The following AUTS2 variants were observed in gnomAD, a reference collection of about 807,000 sequenced individuals.
AUTS2 encodes the protein activator of transcription and developmental regulator AUTS2, also known as autism susceptibility gene 2 protein.
Under a neutral mutation model 112.4 loss-of-function variants are expected in AUTS2, and 17 were observed. That is an observed-to-expected ratio of 0.15 (90% CI 0.10 to 0.23). The LOEUF is 0.23. Among genes scored for constraint, AUTS2 ranks in the 10% least tolerant of loss-of-function variants. The pLI is 1.00. For synonymous variants in AUTS2, 751 were observed against 702.7 expected, an observed-to-expected ratio of 1.07 and a Z score of -1.09; for missense variants, 1,510 against 1,701.6, an observed-to-expected ratio of 0.89 and a Z score of 1.98.
At chr7:69,865,288 A>G (rs1432303593) in intron 1 of AUTS2, among the ~76,000 whole-genome samples, 1 of 152,146 alleles carries the variant, frequency 6.6e-6, no homozygotes, top group Non-Finnish European at 1.5e-5. Context: ...GGCTACACAC[A>G]TGCCCTTTGA....
rs752055492 is a variant in AUTS2, at chr7:70,125,854, T to C, written c.624+7621T>C. On this transcript the variant is annotated intron_variant, in intron 3 of 18. Coordinates refer to ENST00000342771, the MANE Select transcript of AUTS2 (RefSeq NM_015570.4). ...GTTTCATACCTTTTGTCCAGTTTTT[T>C]AGTTGCTTGAGGTGGGAGAATACAT... Among the ~76,000 whole-genome samples the C allele has an allele frequency of 8.5e-5, 13 of 152,332 alleles. No homozygotes were observed. In the South Asian group the frequency reaches 1.5e-3, roughly 17 times the overall value.
At chr7:70,772,892 C>A (rs1230747143) in intron 11 of AUTS2, among the ~76,000 whole-genome samples, 1 of 152,218 alleles carries the variant, frequency 6.6e-6, no homozygotes, top group African/African-American at 2.4e-5. Flanking sequence ...TAGGTTACAC[C>A]AAATCTCTGG....
chr7:70,120,331 TATA>T (rs1237442594), intron 3 of AUTS2: 2 of 152,214 alleles, frequency 1.3e-5, no homozygotes, highest in African/African-American at 4.8e-5. Flanking sequence ...TCTTCTGTGA[TATA>T]ATATCAAAGT....
intron 4 of AUTS2, among the ~76,000 whole-genome samples, chr7:70,217,702 T>C (rs1249234034): frequency 6.6e-6 from 1 of 152,184 alleles, no homozygotes; most frequent in Non-Finnish European, 1.5e-5. Context: ...TCTGTGGTGA[T>C]GTTTCAGTTT....
chr7:69,878,375 G>A (rs1334347058), intron 1 of AUTS2, among the ~76,000 whole-genome samples: 3 of 152,138 alleles, frequency 2.0e-5, no homozygotes, highest in Non-Finnish European at 2.9e-5. Flanking sequence ...TCAGGAAATC[G>A]TTTATTTACC....
chr7:69,702,394 C>A (rs1431407570), intron 1 of AUTS2, among the ~76,000 whole-genome samples: 1 of 152,114 alleles, frequency 6.6e-6, no homozygotes, highest in South Asian at 2.1e-4. Flanking sequence ...AAATGAATGA[C>A]TGATTTGAAA....
intron 5 of AUTS2, among the ~76,000 whole-genome samples, chr7:70,542,606 T>A (rs2129505853): frequency 1.3e-5 from 2 of 152,348 alleles, no homozygotes; most frequent in Middle Eastern, 3.4e-3. Context: ...GGGGTAAACT[T>A]TATGTGTTAA....
At chr7:70,304,776 G>A (rs1789414918) in intron 4 of AUTS2, among the ~76,000 whole-genome samples, 1 of 115,332 alleles carries the variant, frequency 8.7e-6, no homozygotes, top group East Asian at 2.8e-4. Context: ...AGAGTGTCAT[G>A]TGACACTCAA....
chr7:70,773,640 T>G (rs1585666501), intron 11 of AUTS2, among the ~76,000 whole-genome samples: 1 of 152,354 alleles, frequency 6.6e-6, no homozygotes, highest in Middle Eastern at 3.4e-3. Flanking sequence ...CCAATTATAA[T>G]AATGTTCACT....
chr7:70,127,971 G>A (rs989777145), intron 3 of AUTS2, among the ~76,000 whole-genome samples: 18 of 146,986 alleles, frequency 1.2e-4, no homozygotes, highest in Admixed American at 1.2e-3. Flanking sequence ...TCTTTATTGA[G>A]GTTTTATTCC....
chr7:69,836,626 C>T (rs570214831), intron 1 of AUTS2, among the ~76,000 whole-genome samples: 3 of 152,122 alleles, frequency 2.0e-5, no homozygotes, highest in South Asian at 2.1e-4. Context: ...CCAGTTTATA[C>T]GCATTGAGGA....
intron 4 of AUTS2, among the ~76,000 whole-genome samples, chr7:70,391,921 C>T (rs569815451): frequency 1.3e-5 from 2 of 152,186 alleles, no homozygotes; most frequent in South Asian, 4.2e-4. Context: ...GCTTCCCTAG[C>T]CACCCCTGCT....
chr7:70,277,960 G>A (rs1162098648), intron 4 of AUTS2, among the ~76,000 whole-genome samples: 3 of 144,276 alleles, frequency 2.1e-5, no homozygotes, highest in Admixed American at 6.9e-5. Flanking sequence ...ATGTATGTAT[G>A]TGTGTGTGTG....
At chr7:70,669,057 A>G (rs530799047) in intron 5 of AUTS2, among the ~76,000 whole-genome samples, 2 of 152,336 alleles carry the variant, frequency 1.3e-5, no homozygotes, top group Non-Finnish European at 2.9e-5. Flanking sequence ...TGTCGTAATG[A>G]TTTGTAAAAT....
chr7:69,992,379 A>C (rs1278415380), intron 2 of AUTS2, among the ~76,000 whole-genome samples: 1 of 152,198 alleles, frequency 6.6e-6, no homozygotes, highest in Non-Finnish European at 1.5e-5. Context: ...GGCAAGAGTA[A>C]GAATAAAAAG....
chr7:70,326,503 C>T (rs1343710195), intron 4 of AUTS2, among the ~76,000 whole-genome samples: 2 of 152,216 alleles, frequency 1.3e-5, no homozygotes, highest in Non-Finnish European at 2.9e-5. Flanking sequence ...CTCTGACTCA[C>T]AGTTACACAA....
At chr7:69,848,291 A>G (rs1026801616) in intron 1 of AUTS2, among the ~76,000 whole-genome samples, 6 of 152,210 alleles carry the variant, frequency 3.9e-5, no homozygotes, top group Non-Finnish European at 7.3e-5. Context: ...AAATAGTACT[A>G]TAATGATATC....
Position 69,961,981 on chromosome 7 carries a change from T to C in AUTS2, c.522+62483T>C, listed in dbSNP as rs552505783. 3.3e-5 allele frequency among the ~76,000 whole-genome samples: 5 copies of C among 152,280 alleles called. No individual in the cohort carries two copies. The South Asian group carries it at 1.0e-3, about 32-fold the overall frequency. Reference sequence around the variant, plus strand: ...ACACTATTTTCTATCCTTCCACACATGGCAGGGCATTATTCATGTATCCAG... The same window carrying C: ...ACACTATTTTCTATCCTTCCACACACGGCAGGGCATTATTCATGTATCCAG... On this transcript the variant is annotated intron_variant, in intron 2 of 18. Transcript: ENST00000342771.
At chr7:70,707,133 A>C (rs1809781256) in intron 6 of AUTS2, among the ~76,000 whole-genome samples, 1 of 152,344 alleles carries the variant, frequency 6.6e-6, no homozygotes, top group African/African-American at 2.4e-5. Context: ...TGATCTAATG[A>C]TACAGTGGGC....
Sources: gnomAD v4.1 joint callset for allele counts (sites outside exome capture counted in the v4.1 genomes callset) on GRCh38, gnomAD v4.1.1 for gene constraint, MANE v1.5 for transcripts, NCBI Gene and HGNC (gene_info 2026-07-23, HGNC 2026-07-21) for gene names.